Variants in RFTN1 observed in about 807,000 individuals in gnomAD.
RFTN1 encodes the protein raftlin.
Under a neutral mutation model 46.5 loss-of-function variants are expected in RFTN1, and 26 were observed. The ratio of observed to expected loss-of-function variants is 0.56; its 90% CI spans 0.41 to 0.78. The LOEUF is 0.78. Among genes scored for constraint, RFTN1 ranks in the 30% least tolerant of loss-of-function variants. The pLI is 0.00. For synonymous variants in RFTN1, 261 were observed against 284.2 expected, an observed-to-expected ratio of 0.92 and a Z score of 0.82; for missense variants, 693 against 718.7, an observed-to-expected ratio of 0.96 and a Z score of 0.41.
intron 2 of RFTN1, among the ~76,000 whole-genome samples, chr3:16,464,215 C>T (rs1042400375): frequency 2.6e-5 from 4 of 152,192 alleles, no homozygotes; most frequent in Admixed American, 6.5e-5. Flanking sequence ...AGAACACAAA[C>T]GCTCTGCAGG....
Position 16,356,990 on chromosome 3 carries a change from C to G in RFTN1, c.1146+942G>C, listed in dbSNP as rs1448444200. Among the ~76,000 whole-genome samples the G allele has an allele frequency of 1.3e-5, 2 of 152,034 alleles. No homozygotes were observed. Among genetic ancestry groups the G allele is most frequent in the East Asian group, 1.9e-4 (1 of 5,190 alleles). ...ATTAGCTGGGTGTGGTGGCGGGTGC[C>G]TGTAGTCCCAGCTACTCTGGAGGCT... On this transcript the variant is annotated intron_variant, in intron 7 of 9. Coordinates refer to ENST00000334133, the MANE Select transcript of RFTN1 (RefSeq NM_015150.2). The surrounding 1 kb of genome is among the most constrained non-coding windows in gnomAD (Gnocchi z 4.9).
chr3:16,332,237 A>G (rs571881557), intron 7 of RFTN1, among the ~76,000 whole-genome samples: 9 of 151,840 alleles, frequency 5.9e-5, no homozygotes, highest in East Asian at 3.9e-4. Context: ...TGGACCTGCT[A>G]TTAATCAAAA....
rs1200749251 is a variant in RFTN1 at position 16,370,030 on chromosome 3, C to G, written c.1030+46G>C. ...GGACTAAGATTTCAAGAGTTAGAAG[C>G]AGAGTTCACAAAGGGCCACCCAAGG... On this transcript the variant is annotated intron_variant, in intron 6 of 9. Coordinates refer to ENST00000334133, the MANE Select transcript of RFTN1 (RefSeq NM_015150.2). This position sits in a 1 kb window ranked among gnomAD's most constrained non-coding sequence, Gnocchi z 5.5. The G allele has an allele frequency of 2.6e-6, 4 of 1,549,266 alleles. No homozygotes were observed. The highest frequency in any genetic ancestry group is 3.3e-5 in the Admixed American group (2 of 59,896).
rs1485993788 is a variant in RFTN1 at position 16,351,047 on chromosome 3, G to A, written c.1146+6885C>T. Among the ~76,000 whole-genome samples the A allele has an allele frequency of 6.6e-6, 1 of 152,176 alleles. No homozygotes were observed. Among genetic ancestry groups the A allele is most frequent in the East Asian group, 1.9e-4 (1 of 5,196 alleles). On this transcript the variant is annotated intron_variant, in intron 7 of 9. Transcript: ENST00000334133. This position sits in a 1 kb window ranked among gnomAD's most constrained non-coding sequence, Gnocchi z 5.4. ...GCAGAACTTCATGAAGAACAAGTGA[G>A]ACCTAATGTGTTATTACACAGGATT...
chr3:16,456,085 G>T (rs1190473472), intron 2 of RFTN1, among the ~76,000 whole-genome samples: 1 of 150,820 alleles, frequency 6.6e-6, no homozygotes, highest in Non-Finnish European at 1.5e-5. Context: ...TGCAGAACAT[G>T]AGCGAAACTT....
At position 16,377,738 on chromosome 3, in the gene RFTN1, T is replaced by G; in HGVS notation, c.806A>C (p.His269Pro). 1 of 1,597,648 alleles carries G rather than the reference T, an allele frequency of 6.3e-7. No individual in the cohort carries two copies. The highest frequency in any genetic ancestry group is 8.6e-7 in the Non-Finnish European group (1 of 1,166,916). Residue 269 changes from histidine to proline, a missense_variant, in exon 5 of 10, where the codon CAT becomes CCT. Physicochemically the swap from His to Pro is moderately conservative, Grantham distance 77. Coordinates refer to ENST00000334133, the MANE Select transcript of RFTN1 (RefSeq NM_015150.2). ...DGPESNPLEV[H>P]EEPLSGKMEI... ...CTTACTCCCTGAGAGTGGCTCTTCA[T>G]GCACCTCCAAGGGGTTGCTCTCCGG...
At chr3:16,369,050 T>C (rs2073375590) in intron 6 of RFTN1, among the ~76,000 whole-genome samples, 1 of 152,246 alleles carries the variant, frequency 6.6e-6, no homozygotes, top group African/African-American at 2.4e-5. Context: ...GTGTCAATAT[T>C]AGTCAATGAT....
intron 2 of RFTN1, among the ~76,000 whole-genome samples, chr3:16,469,609 G>C (rs2076159213): frequency 6.6e-6 from 1 of 152,236 alleles, no homozygotes; most frequent in African/African-American, 2.4e-5. Context: ...GAGCATGGTA[G>C]GGCGTGCTCC....
chr3:16,387,570 T>TTCTTTCTCTCTCTC lies in RFTN1; in HGVS notation c.442-9469_442-9468insGAGAGAGAGAAAGA, dbSNP rs1224689232. ...CACTTCTCTCTTCTATATCCTCAAT[T>TTCTTTCTCTCTCTC]TCTCTCTCTCTCTCTCTCTCTCTCT... is the stretch of plus-strand genomic sequence containing the variant. On this transcript the variant is annotated intron_variant, in intron 4 of 9. Transcript: ENST00000334133. This position sits in a 1 kb window ranked among gnomAD's most constrained non-coding sequence, Gnocchi z 5.2. 9.4e-5 allele frequency among the ~76,000 whole-genome samples: 11 copies of TTCTTTCTCTCTCTC among 116,502 alleles called. No individual in the cohort carries two copies. The highest frequency in any genetic ancestry group is 3.9e-4 in the African/African-American group (10 of 25,616). 76.4% of individuals were successfully genotyped at this position (116,502 alleles called of 152,430 possible). A position where few individuals can be genotyped will look rare whatever the true frequency, so the allele number is the denominator to read the frequency against.
In RFTN1 at chr3:16,323,388, C is replaced by G; in HGVS notation, c.1320G>C (p.Lys440Asn). 1 of 1,609,064 alleles carries G rather than the reference C, an allele frequency of 6.2e-7. No homozygotes were observed. Among genetic ancestry groups the G allele is most frequent in the East Asian group, 2.2e-5 (1 of 44,868 alleles). The change falls in exon 9 of 10, where the codon AAG becomes AAC. Residue 440 changes from lysine (K) to asparagine (N), a missense_variant. By Grantham distance (94) the Lys-to-Asn change is moderately conservative. Coordinates refer to ENST00000334133, the MANE Select transcript of RFTN1 (RefSeq NM_015150.2). ...CAAAGTCTCTTACCTTCGATTCCTT[C>G]TTCTTGATTTTCTGAGGTAGACAAG... is the stretch of plus-strand genomic sequence containing the variant. ...QRPCLPQKIK[K>N]KESKFQWRFS...
Position 16,447,147 on chromosome 3 carries a change from T to G in RFTN1, c.146-13110A>C, listed in dbSNP as rs2075746783. Among the ~76,000 whole-genome samples the G allele has an allele frequency of 6.6e-6, 1 of 152,228 alleles. No homozygotes were observed. Among genetic ancestry groups the G allele is most frequent in the African/African-American group, 2.4e-5 (1 of 41,460 alleles). The stretch of plus-strand genomic sequence containing the variant: ...CACTGTAGTGTAGACACACCATATA[T>G]TCAGCAGTGCAGCCACAAAACCATT... On this transcript the variant is annotated intron_variant, in intron 2 of 9. Coordinates refer to ENST00000334133, the MANE Select transcript of RFTN1 (RefSeq NM_015150.2). This position sits in a 1 kb window ranked among gnomAD's most constrained non-coding sequence, Gnocchi z 5.9.
At chr3:16,414,552 C>T (rs561595910) in intron 3 of RFTN1, among the ~76,000 whole-genome samples, 123 of 146,954 alleles carry the variant, frequency 8.4e-4, no homozygotes, top group Non-Finnish European at 1.4e-3. Context: ...TGCAGTGAGC[C>T]AAGATCACAC....
At position 16,345,831 on chromosome 3, in the gene RFTN1, CGCGCACGCGCACATGTGCATGTGT is replaced by C. The variant is rs2071664337; in HGVS notation, c.1146+12077_1146+12100del. 2.0e-4 allele frequency among the ~76,000 whole-genome samples: 13 copies of C among 63,870 alleles called. No individual in the cohort carries two copies. The highest frequency in any genetic ancestry group is 5.9e-4 in the African/African-American group (9 of 15,194). The allele number at this position is 63,870 out of a possible 152,430, so 41.9% of individuals were successfully genotyped here. A position where few individuals can be genotyped will look rare whatever the true frequency, so the allele number is the denominator to read the frequency against. On this transcript the variant is annotated intron_variant, in intron 7 of 9. Transcript: ENST00000334133. This position sits in a 1 kb window ranked among gnomAD's most constrained non-coding sequence, Gnocchi z 5.2. Reference sequence around the variant, plus strand: ...GTGTGTGTGTGTGCGCGCGCGCGTGCGCGCACGCGCACATGTGCATGTGTATGTGTATAATCTCCTACTGGTTCT... The same window carrying C: ...GTGTGTGTGTGTGCGCGCGCGCGTGCATGTGTATAATCTCCTACTGGTTCT...
rs973234045 is a variant in RFTN1, at chr3:16,426,460, A to G, written c.332+7391T>C. ...ACTTTCCCAATTTTGCCCTTTTCAAATGCCAAAGAAAATGTTCATATTATC... is the reference window on the plus strand; with the variant it reads ...ACTTTCCCAATTTTGCCCTTTTCAAGTGCCAAAGAAAATGTTCATATTATC... On this transcript the variant is annotated intron_variant, in intron 3 of 9. Coordinates refer to ENST00000334133, the MANE Select transcript of RFTN1 (RefSeq NM_015150.2). This position sits in a 1 kb window ranked among gnomAD's most constrained non-coding sequence, Gnocchi z 5.9. Among the ~76,000 whole-genome samples, 1 of 152,188 alleles carries G rather than the reference A, an allele frequency of 6.6e-6. No individual in the cohort carries two copies. The highest frequency in any genetic ancestry group is 1.5e-5 in the Non-Finnish European group (1 of 68,038).
At chr3:16,373,366 G>A (rs1052916294) in intron 5 of RFTN1, among the ~76,000 whole-genome samples, 52 of 152,338 alleles carry the variant, frequency 3.4e-4, no homozygotes, top group African/African-American at 1.2e-3. Context: ...CCAACCAGAG[G>A]AGAAAGTGAG....
At chr3:16,405,449 CA>C (rs2074830515) in intron 4 of RFTN1, among the ~76,000 whole-genome samples, 1 of 152,192 alleles carries the variant, frequency 6.6e-6, no homozygotes, top group Non-Finnish European at 1.5e-5. Context: ...AGGTAGATTT[CA>C]TTTGACCAGC....
At chr3:16,378,565 A>G (rs34151744) in intron 4 of RFTN1, among the ~76,000 whole-genome samples, 10,553 of 152,242 alleles carry the variant, frequency 0.069, 504 homozygotes, top group Non-Finnish European at 0.11. Flanking sequence ...CAAACAACAG[A>G]TGGCATTTTA....
rs1452034621 is a variant in RFTN1 at position 16,449,783 on chromosome 3, A to T, written c.146-15746T>A. Among the ~76,000 whole-genome samples, 4 of 152,186 alleles carry T rather than the reference A, an allele frequency of 2.6e-5. No homozygotes were observed. Among genetic ancestry groups the T allele is most frequent in the Non-Finnish European group, 2.9e-5 (2 of 68,042 alleles). On this transcript the variant is annotated intron_variant, in intron 2 of 9. Transcript: ENST00000334133. This position sits in a 1 kb window ranked among gnomAD's most constrained non-coding sequence, Gnocchi z 5.1. ...AACGAGACAAAAGCCATGCTGACAG[A>T]CTGCTGCCTCTGATTTGCACTGAAC... is the stretch of plus-strand genomic sequence containing the variant.
At position 16,350,733 on chromosome 3, in the gene RFTN1, C is replaced by A. The variant is rs142625559; in HGVS notation, c.1146+7199G>T. 2.0e-5 allele frequency among the ~76,000 whole-genome samples: 3 copies of A among 152,174 alleles called. 1 individual carries two copies. Among genetic ancestry groups the A allele is most frequent in the Middle Eastern group, 6.8e-3 (2 of 294 alleles). On this transcript the variant is annotated intron_variant, in intron 7 of 9. Coordinates refer to ENST00000334133, the MANE Select transcript of RFTN1 (RefSeq NM_015150.2). ...GGGGTTTGGGTGTTGATTCCTGGGC[C>A]TTTCATGGGAGTGATTATTCACAGG... is the stretch of plus-strand genomic sequence containing the variant.
Sources: allele counts gnomAD v4.1 joint callset (sites outside exome capture counted in the v4.1 genomes callset), GRCh38; gene constraint gnomAD v4.1.1; non-coding constraint Gnocchi (gnomAD v3.1); transcripts MANE v1.5; gene names NCBI Gene and HGNC (gene_info 2026-07-23, HGNC 2026-07-21).